The following PRKG1 variants were observed in gnomAD, a reference collection of about 807,000 sequenced individuals.
PRKG1 encodes the protein protein kinase cGMP-dependent 1, also known as cGMP-dependent protein kinase 1.
PRKG1 carries 35 observed loss-of-function variants against 88.1 expected under a neutral mutation model. That is an observed-to-expected ratio of 0.40 (90% CI 0.30 to 0.53). The LOEUF is 0.53. Ranked by LOEUF, PRKG1 falls within the 20% of genes least tolerant of loss-of-function variation. The pLI is 0.59. For missense variants in PRKG1, 540 were observed against 839.8 expected, an observed-to-expected ratio of 0.64 and a Z score of 4.41; for synonymous variants, 303 against 292.5, an observed-to-expected ratio of 1.04 and a Z score of -0.37.
intron 5 of PRKG1, among the ~76,000 whole-genome samples, chr10:52,050,053 G>A (rs1008359691): frequency 1.3e-4 from 19 of 142,780 alleles, no homozygotes; most frequent in Non-Finnish European, 2.4e-4. Context: ...GAGAGAGAGT[G>A]TGTTCATGTG....
At chr10:52,181,102 C>G (rs1839013537) in intron 9 of PRKG1, among the ~76,000 whole-genome samples, 1 of 152,188 alleles carries the variant, frequency 6.6e-6, no homozygotes. Flanking sequence ...GCTTGTCCAA[C>G]CTGGGGGCTT....
intron 3 of PRKG1, among the ~76,000 whole-genome samples, chr10:51,728,554 A>G (rs919873888): frequency 1.8e-5 from 2 of 108,296 alleles, no homozygotes; most frequent in African/African-American, 3.6e-5. Flanking sequence ...GAAGAAATCT[A>G]TATTATTACA....
At chr10:51,153,054 C>A (rs1458830178) in intron 1 of PRKG1, 110 bp from the exon 2 acceptor site, 30 of 608,294 alleles carry the variant, frequency 4.9e-5, no homozygotes, top group East Asian at 1.2e-4. Flanking sequence ...GGATTCCTAA[C>A]AAGAAAATAC....
chr10:51,547,856 C>T (rs1842477744), intron 3 of PRKG1, among the ~76,000 whole-genome samples: 1 of 152,042 alleles, frequency 6.6e-6, no homozygotes, highest in Non-Finnish European at 1.5e-5. Flanking sequence ...AGCTTCCTTT[C>T]AAGTTATTTC....
At chr10:51,845,343 T>G (rs904846116) in intron 4 of PRKG1, among the ~76,000 whole-genome samples, 4 of 152,196 alleles carry the variant, frequency 2.6e-5, no homozygotes, top group African/African-American at 9.7e-5. Flanking sequence ...TCCCGATTAC[T>G]CTATTGAAAA....
intron 1 of PRKG1, among the ~76,000 whole-genome samples, chr10:51,016,564 A>T (rs1458179686): frequency 1.3e-5 from 2 of 151,496 alleles, no homozygotes; most frequent in African/African-American, 4.9e-5. Context: ...TTTGAGAAGT[A>T]TTTAAACATT....
At chr10:52,013,418 C>CAAA (rs200943011) in intron 5 of PRKG1, among the ~76,000 whole-genome samples, 1 of 109,744 alleles carries the variant, frequency 9.1e-6, no homozygotes, top group African/African-American at 3.2e-5. Flanking sequence ...GACTCCGTCT[C>CAAA]AAAAAAAAAA....
At chr10:51,868,848 A>C (rs1841084483) in intron 4 of PRKG1, among the ~76,000 whole-genome samples, 1 of 152,208 alleles carries the variant, frequency 6.6e-6, no homozygotes. Flanking sequence ...TCTGCTGAGG[A>C]TATCAAGGAT....
intron 8 of PRKG1, among the ~76,000 whole-genome samples, chr10:52,153,208 G>T (rs1313355165): frequency 2.0e-5 from 3 of 151,950 alleles, no homozygotes; most frequent in African/African-American, 7.3e-5. Context: ...TGAATTGCTA[G>T]AAAAATACAA....
intron 1 of PRKG1, among the ~76,000 whole-genome samples, chr10:51,128,057 A>G (rs534222341): frequency 6.1e-4 from 93 of 152,294 alleles, no homozygotes; most frequent in African/African-American, 2.2e-3. Context: ...GCAAACCACC[A>G]TGGCACATGT....
chr10:52,072,158 C>CTTTTTTTTTTTTTTTT (rs60576406), intron 7 of PRKG1, among the ~76,000 whole-genome samples: 25 of 39,564 alleles, frequency 6.3e-4, no homozygotes, highest in South Asian at 1.7e-3. Context: ...TATTGTTTTG[C>CTTTTTTTTTTTTTTTT]TTTTTTTTTT....
chr10:52,003,981 A>G (rs1844664722), intron 5 of PRKG1, among the ~76,000 whole-genome samples: 1 of 152,224 alleles, frequency 6.6e-6, no homozygotes, highest in Admixed American at 6.5e-5. Flanking sequence ...AATGTGAATA[A>G]CAATAACTGT....
intron 1 of PRKG1, among the ~76,000 whole-genome samples, chr10:51,033,830 A>T (rs1055201263): frequency 1.3e-4 from 19 of 143,418 alleles, no homozygotes; most frequent in African/African-American, 4.8e-4. Context: ...ATGGTATTTC[A>T]GCATTCCATT....
rs183504793 is a variant in PRKG1, at chr10:51,865,775, A to G, written c.699-41732A>G. Among the ~76,000 whole-genome samples, 385 of 152,190 alleles carry G rather than the reference A, an allele frequency of 2.5e-3. 5 individuals carry two copies. The highest frequency in any genetic ancestry group is 8.6e-3 in the African/African-American group (356 of 41,544). ...TGCTAAGGGAAAATATCTGATTTCCAGTGATTGAATGTTTGACTAAAATTT... is the reference window on the plus strand; with the variant it reads ...TGCTAAGGGAAAATATCTGATTTCCGGTGATTGAATGTTTGACTAAAATTT... On this transcript the variant is annotated intron_variant, in intron 4 of 17. Transcript: ENST00000373980.
Position 51,331,727 on chromosome 10 carries a change from A to G in PRKG1, c.479-135996A>G, listed in dbSNP as rs145747327. ...CATGCATGGATATATGTGCAAATCA[A>G]TGCTTCTCCTGGGGCAAGTATGATC... On this transcript the variant is annotated intron_variant, in intron 2 of 17. Coordinates refer to ENST00000373980, the MANE Select transcript of PRKG1 (RefSeq NM_006258.4). 3.6e-3 allele frequency among the ~76,000 whole-genome samples: 542 copies of G among 152,290 alleles called. 4 individuals are homozygous for G. Among genetic ancestry groups the G allele is most frequent in the African/African-American group, 0.011 (456 of 41,552 alleles).
At chr10:51,103,008 G>C (rs1260290004) in intron 1 of PRKG1, among the ~76,000 whole-genome samples, 2 of 152,016 alleles carry the variant, frequency 1.3e-5, no homozygotes, top group Admixed American at 1.3e-4. Flanking sequence ...AAGAAAAACT[G>C]GCAGAGCACA....
chr10:52,039,637 C>T (rs989963620), intron 5 of PRKG1, among the ~76,000 whole-genome samples: 1 of 152,124 alleles, frequency 6.6e-6, no homozygotes. Flanking sequence ...CACCTCAGCT[C>T]ATTCCTGAGG....
intron 2 of PRKG1, among the ~76,000 whole-genome samples, chr10:51,408,601 G>T (rs886581510): frequency 2.6e-5 from 4 of 152,178 alleles, no homozygotes; most frequent in African/African-American, 7.2e-5. Flanking sequence ...CCCAAGGGAT[G>T]GTGCCATATC....
At chr10:51,074,008 A>G (rs545242962), upstream of PRKG1, among the ~76,000 whole-genome samples, 23 of 152,136 alleles carry the variant, frequency 1.5e-4, 1 homozygote, top group East Asian at 3.9e-3. Context: ...TCGTAGCTCA[A>G]CATTCTCCAG....
Sources: gnomAD v4.1 joint callset for allele counts (sites outside exome capture counted in the v4.1 genomes callset) on GRCh38, gnomAD v4.1.1 for gene constraint, MANE v1.5 for transcripts, NCBI Gene and HGNC (gene_info 2026-07-23, HGNC 2026-07-21) for gene names.